Variants in ASTN2 observed in about 807,000 individuals in gnomAD.
ASTN2 encodes the protein astrotactin 2, also known as astrotactin-2.
ASTN2 carries 54 observed loss-of-function variants against 139.8 expected under a neutral mutation model. That is an observed-to-expected ratio of 0.39 (90% CI 0.31 to 0.48). The LOEUF (loss-of-function observed/expected upper bound fraction) is 0.48, where lower values mean the gene tolerates loss of function less well. Ranked by LOEUF, ASTN2 falls within the 20% of genes least tolerant of loss-of-function variation. The probability of loss-of-function intolerance (pLI) is 0.95; values close to 1 mark genes in which losing one functional copy is unlikely to be tolerated. For missense variants in ASTN2, 1,565 were observed against 1,725.1 expected (o/e 0.91, Z 1.64); for synonymous variants, 756 against 719.5 (o/e 1.05, Z -0.81).
At chr9:116,798,849 G>T (rs1443738053) in intron 13 of ASTN2, among the ~76,000 whole-genome samples, 1 of 152,168 alleles carries the variant, frequency 6.6e-6, no homozygotes, top group Admixed American at 6.5e-5. Context: ...GGAGAGGCAG[G>T]TGGTATGACC....
chr9:117,154,024 T>C (rs1830380905), intron 3 of ASTN2, among the ~76,000 whole-genome samples: 1 of 152,046 alleles, frequency 6.6e-6, no homozygotes, highest in Non-Finnish European at 1.5e-5. Flanking sequence ...ACTTCAACTG[T>C]CAGATTTTCC....
intron 11 of ASTN2, among the ~76,000 whole-genome samples, chr9:116,852,878 T>TACACACACACACACACAC (rs3040211): frequency 5.2e-5 from 7 of 134,268 alleles, no homozygotes; most frequent in African/African-American, 1.2e-4. Flanking sequence ...AAGGGGAAAA[T>TACACACACACACACACAC]ACACACACAC....
Position 116,426,097 on chromosome 9 carries a change from T to C in ASTN2, c.3783-9A>G. On this transcript the variant is annotated splice_polypyrimidine_tract_variant and intron_variant, in intron 22 of 22. Coordinates refer to ENST00000313400, the MANE Select transcript of ASTN2 (RefSeq NM_001365068.1). Reference sequence around the variant, plus strand: ...GAATCAGGTGGGCCTTCCTGAAAGGTAGGATGAGACAGCCATGATTAAAGA... The same window carrying C: ...GAATCAGGTGGGCCTTCCTGAAAGGCAGGATGAGACAGCCATGATTAAAGA... 8 of 1,611,672 alleles carry C rather than the reference T, an allele frequency of 5.0e-6. No individual in the cohort carries two copies. In the South Asian group the frequency reaches 6.6e-5, roughly 13 times the overall value.
chr9:116,438,602 G>A (rs1249424051), intron 22 of ASTN2, among the ~76,000 whole-genome samples: 2 of 152,200 alleles, frequency 1.3e-5, no homozygotes, highest in African/African-American at 2.4e-5. Flanking sequence ...GTGTGCAAAA[G>A]TGGCTAGATT....
At chr9:117,209,702 G>A (rs895018052) in intron 3 of ASTN2, among the ~76,000 whole-genome samples, 1 of 152,098 alleles carries the variant, frequency 6.6e-6, no homozygotes. Context: ...TAGACCAAAT[G>A]GATGTGATAG....
intron 3 of ASTN2, among the ~76,000 whole-genome samples, chr9:117,190,548 C>G (rs1221636305): frequency 6.6e-6 from 1 of 152,172 alleles, no homozygotes; most frequent in African/African-American, 2.4e-5. Context: ...CTATCAGGCT[C>G]TACATGACTT....
In ASTN2 at chr9:117,305,675, A is replaced by G. The variant is rs117634106; in HGVS notation, c.443-14162T>C. On this transcript the variant is annotated intron_variant, in intron 1 of 22. Coordinates refer to ENST00000313400, the MANE Select transcript of ASTN2 (RefSeq NM_001365068.1). ...AGTCATCATGTATCACAGTACCTAG[A>G]CAGTGCCTGGTAAAATGTAACCACT... Among the ~76,000 whole-genome samples, 458 of 152,352 alleles carry G rather than the reference A, an allele frequency of 3.0e-3. 12 individuals are homozygous for G. In the East Asian group the frequency reaches 0.065, roughly 22 times the overall value.
chr9:117,074,504 C>A (rs993380289), intron 5 of ASTN2, among the ~76,000 whole-genome samples: 2 of 152,000 alleles, frequency 1.3e-5, no homozygotes, highest in African/African-American at 4.8e-5. Context: ...TACTAGCAGG[C>A]GAAGATGTGC....
intron 1 of ASTN2, among the ~76,000 whole-genome samples, chr9:117,354,155 C>T (rs1269469285): frequency 6.6e-6 from 1 of 152,102 alleles, no homozygotes; most frequent in African/African-American, 2.4e-5. Context: ...GCGGAAGGTA[C>T]TCGGGAGTAT....
At chr9:116,521,519 C>T (rs1020191417) in intron 19 of ASTN2, among the ~76,000 whole-genome samples, 17 of 152,192 alleles carry the variant, frequency 1.1e-4, no homozygotes, top group Admixed American at 1.0e-3. Context: ...GGACTTAAAC[C>T]TAAGACCTGA....
At chr9:116,601,091 T>C (rs61146818) in intron 19 of ASTN2, among the ~76,000 whole-genome samples, 1,726 of 152,326 alleles carry the variant, frequency 0.011, 30 homozygotes, top group African/African-American at 0.039. Context: ...AAGCTAGGAA[T>C]AGTATAGAAT....
At chr9:117,324,880 C>G (rs901276444) in intron 1 of ASTN2, among the ~76,000 whole-genome samples, 2 of 152,096 alleles carry the variant, frequency 1.3e-5, no homozygotes, top group African/African-American at 4.8e-5. Flanking sequence ...TTGGATAGCT[C>G]TCTGTCTACT....
intron 19 of ASTN2, among the ~76,000 whole-genome samples, chr9:116,577,304 G>A (rs1442670598): frequency 6.6e-6 from 1 of 152,166 alleles, no homozygotes; most frequent in East Asian, 1.9e-4. Context: ...CAAGGTGACT[G>A]AATTGCTTGA....
At chr9:117,404,087 C>T (rs922611685) in intron 1 of ASTN2, among the ~76,000 whole-genome samples, 2 of 152,170 alleles carry the variant, frequency 1.3e-5, no homozygotes, top group Non-Finnish European at 2.9e-5. Context: ...CCAGATGCTG[C>T]GCTAGGTGCT....
chr9:116,932,937 T>A (rs1289829248), intron 10 of ASTN2, among the ~76,000 whole-genome samples: 2 of 135,728 alleles, frequency 1.5e-5, no homozygotes, highest in Non-Finnish European at 3.0e-5. Context: ...AACCAGGAGG[T>A]GGAGTTTTCA....
At chr9:116,697,503 A>G (rs1860922240) in intron 16 of ASTN2, 1 of 529,448 alleles carries the variant, frequency 1.9e-6, no homozygotes, top group Admixed American at 3.2e-5. Flanking sequence ...TTGTTTCCCT[A>G]TCTGTCACCC....
At chr9:116,463,928 G>C (rs13291132) in intron 20 of ASTN2, among the ~76,000 whole-genome samples, 1 of 51,230 alleles carries the variant, frequency 2.0e-5, no homozygotes, top group Non-Finnish European at 4.3e-5. Flanking sequence ...TTTTTTTTTT[G>C]AGAGAGACAG....
At chr9:116,810,849 T>C (rs567794442) in intron 12 of ASTN2, among the ~76,000 whole-genome samples, 1 of 152,324 alleles carries the variant, frequency 6.6e-6, no homozygotes, top group East Asian at 1.9e-4. Flanking sequence ...GTTGTAGATA[T>C]TTAGCTCTTA....
At chr9:117,124,712 T>C (rs1829642194) in intron 4 of ASTN2, among the ~76,000 whole-genome samples, 1 of 152,010 alleles carries the variant, frequency 6.6e-6, no homozygotes, top group Non-Finnish European at 1.5e-5. Context: ...AGATTTTGTT[T>C]TAGAAGCTAT....
Sources: gnomAD v4.1 joint callset for allele counts (sites outside exome capture counted in the v4.1 genomes callset) on GRCh38, gnomAD v4.1.1 for gene constraint, MANE v1.5 for transcripts, NCBI Gene and HGNC (gene_info 2026-07-23, HGNC 2026-07-21) for gene names.